The following ANKRD36C variants were observed in gnomAD, a reference collection of about 807,000 sequenced individuals.
ANKRD36C encodes ankyrin repeat domain-containing protein 36C.
A neutral mutation model predicts 276.4 loss-of-function variants in ANKRD36C; 61 were observed. The observed-to-expected ratio is 0.22, with a 90% CI of 0.18 to 0.27. The LOEUF is 0.27. Ranked by LOEUF, ANKRD36C falls within the 10% of genes least tolerant of loss-of-function variation. The pLI is 1.00. For missense variants in ANKRD36C, 1,447 were observed against 2,032.3 expected (o/e 0.71, Z 5.54); for synonymous variants, 483 against 680.1 (o/e 0.71, Z 4.51).
intron 34 of ANKRD36C, among the ~76,000 whole-genome samples, chr2:95,920,996 T>C (rs887339231): frequency 6.6e-6 from 1 of 150,412 alleles, no homozygotes; most frequent in African/African-American, 2.5e-5. Flanking sequence ...CTGCTTCCAG[T>C]AGTTCCTGGA....
intron 38 of ANKRD36C, 77 bp from the exon 41 acceptor site, chr2:95,914,380 A>C: frequency 8.0e-6 from 12 of 1,501,466 alleles, no homozygotes; most frequent in Non-Finnish European, 1.1e-5. Context: ...CAGTGTTAGC[A>C]TCAACCTCTG....
chr2:95,897,548 C>T (rs1406309163), intron 44 of ANKRD36C, 83 bp from the exon 59 acceptor site: 4 of 1,497,676 alleles, frequency 2.7e-6, no homozygotes, highest in Admixed American at 2.0e-5. Flanking sequence ...TAGCATCAAC[C>T]TCCGTCCTCC....
At chr2:95,952,873 T>C (rs1469467796) in intron 14 of ANKRD36C, among the ~76,000 whole-genome samples, 1 of 152,280 alleles carries the variant, frequency 6.6e-6, no homozygotes. Flanking sequence ...CCTTATTCTG[T>C]GTATTCCAGG....
intron 10 of ANKRD36C, among the ~76,000 whole-genome samples, chr2:95,960,070 G>T (rs1047460423): frequency 2.6e-5 from 4 of 152,030 alleles, no homozygotes; most frequent in Non-Finnish European, 5.9e-5. Flanking sequence ...ATTCTATAGT[G>T]TTTATGGCTT....
At chr2:95,981,528 G>A (rs2918842) in intron 4 of ANKRD36C, among the ~76,000 whole-genome samples, 6 of 146,832 alleles carry the variant, frequency 4.1e-5, no homozygotes, top group Non-Finnish European at 7.5e-5. Context: ...GTGTGTATAT[G>A]TAATATATGC....
chr2:95,929,305 A>AAT, intron 24 of ANKRD36C, 38 bp from the exon 25 acceptor site: 1 of 1,581,884 alleles, frequency 6.3e-7, no homozygotes, highest in Non-Finnish European at 8.5e-7. Flanking sequence ...ATCATATGTA[A>AAT]ATATGATAAT....
chr2:95,947,326 G>T (rs1004542132), intron 17 of ANKRD36C, among the ~76,000 whole-genome samples: 2 of 151,968 alleles, frequency 1.3e-5, no homozygotes, highest in African/African-American at 4.8e-5. Flanking sequence ...ACATTTAATA[G>T]ATTTAATTAT....
intron 14 of ANKRD36C, among the ~76,000 whole-genome samples, chr2:95,951,827 G>GA (rs151325717): frequency 9.5e-5 from 14 of 147,252 alleles, no homozygotes; most frequent in East Asian, 2.0e-4. Flanking sequence ...CTTTCTGTGG[G>GA]AAAAAATGTG....
At chr2:95,873,640 C>A (rs1292705572) in intron 59 of ANKRD36C, among the ~76,000 whole-genome samples, 1 of 152,236 alleles carries the variant, frequency 6.6e-6, no homozygotes, top group African/African-American at 2.4e-5. Flanking sequence ...CCCTCTCTCA[C>A]CACTCCTATT....
At chr2:95,971,354 T>C (rs1167166606) in intron 6 of ANKRD36C, among the ~76,000 whole-genome samples, 11 of 145,590 alleles carry the variant, frequency 7.6e-5, no homozygotes, top group Non-Finnish European at 1.7e-4. Flanking sequence ...TGTAAGCTTC[T>C]CAGTTGTAAC....
At chr2:95,976,083 C>T (rs546531227) in intron 6 of ANKRD36C, among the ~76,000 whole-genome samples, 13 of 152,272 alleles carry the variant, frequency 8.5e-5, no homozygotes, top group Admixed American at 6.5e-5. Context: ...AATGAGATAC[C>T]ATCTCACACC....
chr2:95,967,085 T>C (rs1410266482), intron 6 of ANKRD36C, among the ~76,000 whole-genome samples: 1 of 152,210 alleles, frequency 6.6e-6, no homozygotes, highest in African/African-American at 2.4e-5. Flanking sequence ...AAATATACCA[T>C]CATGTCATCT....
intron 42 of ANKRD36C, among the ~76,000 whole-genome samples, chr2:95,909,936 G>C (rs1676860413): frequency 6.6e-6 from 1 of 150,934 alleles, no homozygotes; most frequent in African/African-American, 2.4e-5. Flanking sequence ...TTGGGAAAAT[G>C]ATTGCTACAC....
intron 1 of ANKRD36C, among the ~76,000 whole-genome samples, chr2:95,987,595 C>A (rs1227387484): frequency 6.9e-6 from 1 of 144,970 alleles, no homozygotes; most frequent in Non-Finnish European, 1.5e-5. Context: ...GATATTACTA[C>A]TTACAAAGAC....
chr2:95,862,931 T>G (rs1675616115), intron 60 of ANKRD36C, among the ~76,000 whole-genome samples: 1 of 151,800 alleles, frequency 6.6e-6, no homozygotes, highest in Admixed American at 6.6e-5. Context: ...CACGACAGCA[T>G]CTGGATCTTG....
chr2:95,937,162 C>G (rs1677740904), intron 22 of ANKRD36C, among the ~76,000 whole-genome samples: 1 of 152,306 alleles, frequency 6.6e-6, no homozygotes, highest in African/African-American at 2.4e-5. Context: ...ACACATTACA[C>G]CATTATGTGT....
intron 16 of ANKRD36C, among the ~76,000 whole-genome samples, chr2:95,949,771 A>G (rs2918885): frequency 6.6e-6 from 1 of 152,302 alleles, no homozygotes; most frequent in African/African-American, 2.4e-5. Flanking sequence ...TCAGGATGTT[A>G]AGCAAGGATT....
intron 28 of ANKRD36C, 58 bp from the exon 29 acceptor site, chr2:95,925,605 A>T: frequency 6.8e-7 from 1 of 1,474,600 alleles, no homozygotes; most frequent in East Asian, 2.5e-5. Context: ...AGTCGTCCAC[A>T]CATTCATGCA....
intron 60 of ANKRD36C, among the ~76,000 whole-genome samples, 179 bp downstream of exon 80, chr2:95,867,261 A>G (rs1403707248): frequency 1.3e-5 from 2 of 152,218 alleles, no homozygotes; most frequent in East Asian, 3.8e-4. Flanking sequence ...TGAAATGATC[A>G]TAGCCCTTGG....
Sources: gnomAD v4.1 joint callset for allele counts (sites outside exome capture counted in the v4.1 genomes callset) on GRCh38, gnomAD v4.1.1 for gene constraint, MANE v1.5 for transcripts, NCBI Gene and HGNC (gene_info 2026-07-23, HGNC 2026-07-21) for gene names.